The following RGL1 variants were observed in gnomAD, a reference collection of about 807,000 sequenced individuals.
The protein encoded by RGL1 is ral guanine nucleotide dissociation stimulator like 1.
In RGL1, 24 loss-of-function variants were observed where a neutral mutation model predicts 95.2. That is an observed-to-expected ratio of 0.25 (90% confidence interval 0.18 to 0.35). RGL1 has a LOEUF of 0.35. RGL1 is among the 10% of genes least tolerant of loss of function. The pLI is 1.00. For synonymous variants in RGL1, 329 were observed against 344.9 expected (o/e 0.95, Z 0.51); for missense variants, 715 against 936.3 (o/e 0.76, Z 3.08).
rs139649337 is a variant in RGL1 at position 183,673,257 on chromosome 1, C to T, written c.-33+36756C>T. Among the ~76,000 whole-genome samples, 32 of 152,280 alleles carry T rather than the reference C, an allele frequency of 2.1e-4. 1 individual carries two copies. In the East Asian group the frequency reaches 6.2e-3, roughly 29 times the overall value. Reference sequence around the variant, plus strand: ...CAGGCACTGTGAGTGTGTTTTCAGACCTGGACCAGTTTAATATCAGTGTCT... The same window carrying T: ...CAGGCACTGTGAGTGTGTTTTCAGATCTGGACCAGTTTAATATCAGTGTCT... On this transcript the variant is annotated intron_variant, in intron 1 of 18. Transcript: ENST00000304685.
intron 1 of RGL1, among the ~76,000 whole-genome samples, chr1:183,722,423 A>G (rs760541874): frequency 1.3e-5 from 2 of 152,086 alleles, no homozygotes; most frequent in Non-Finnish European, 2.9e-5. Flanking sequence ...TATTTAAAGA[A>G]ATAATGACCA....
chr1:183,790,519 A>G (rs1660394881), intron 2 of RGL1, among the ~76,000 whole-genome samples: 2 of 152,174 alleles, frequency 1.3e-5, no homozygotes, highest in African/African-American at 4.8e-5. Flanking sequence ...GGAAAGACTA[A>G]TAACTTAGCC....
chr1:183,729,182 A>ATG (rs1433473219), intron 1 of RGL1, among the ~76,000 whole-genome samples: 2 of 116,830 alleles, frequency 1.7e-5, no homozygotes, highest in Non-Finnish European at 3.9e-5. Flanking sequence ...GATAAAATAT[A>ATG]TATGTGTGTG....
chr1:183,832,595 C>G (rs1367224486), intron 2 of RGL1, among the ~76,000 whole-genome samples: 7 of 152,094 alleles, frequency 4.6e-5, no homozygotes, highest in African/African-American at 1.4e-4. Flanking sequence ...GTTGATGAGC[C>G]TTTAGATTCA....
chr1:183,771,164 A>G (rs535822946), intron 2 of RGL1, among the ~76,000 whole-genome samples: 124 of 152,320 alleles, frequency 8.1e-4, no homozygotes, highest in Middle Eastern at 6.8e-3. Context: ...TCTACTGGAC[A>G]TTTGCAGCCA....
At chr1:183,884,003 AT>A (rs1365743944) in intron 6 of RGL1, 93 bp downstream of exon 6, 1 of 1,341,852 alleles carries the variant, frequency 7.5e-7, no homozygotes, top group East Asian at 2.3e-5. Flanking sequence ...GGATAATGTG[AT>A]TTTAAGTCTT....
chr1:183,809,755 G>A (rs1260278465), intron 2 of RGL1, among the ~76,000 whole-genome samples: 1 of 152,086 alleles, frequency 6.6e-6, no homozygotes, highest in African/African-American at 2.4e-5. Flanking sequence ...AGACCAGCCT[G>A]GGCAACATAG....
intron 3 of RGL1, among the ~76,000 whole-genome samples, chr1:183,859,418 C>G (rs1404345611): frequency 2.0e-5 from 3 of 152,132 alleles, no homozygotes; most frequent in Non-Finnish European, 4.4e-5. Flanking sequence ...TTGAACTCCT[C>G]TTTAGACAGT....
intron 1 of RGL1, among the ~76,000 whole-genome samples, chr1:183,736,638 G>A (rs1266319617): frequency 6.6e-6 from 1 of 152,150 alleles, no homozygotes; most frequent in African/African-American, 2.4e-5. Context: ...CAGGACCTCA[G>A]CTCATTAGGA....
chr1:183,871,595 T>A (rs1171367511), intron 4 of RGL1, among the ~76,000 whole-genome samples: 1 of 152,248 alleles, frequency 6.6e-6, no homozygotes, highest in Non-Finnish European at 1.5e-5. Context: ...CCTTACATTT[T>A]ATACAGGCTC....
chr1:183,718,885 C>T (rs980755143), intron 1 of RGL1, among the ~76,000 whole-genome samples: 3 of 152,002 alleles, frequency 2.0e-5, no homozygotes, highest in African/African-American at 7.3e-5. Flanking sequence ...TTCACTCCAG[C>T]CTGGGCAACA....
chr1:183,912,276 C>A lies in RGL1; in HGVS notation c.1749+8C>A. 6.2e-7 allele frequency: 1 copy of A among 1,607,144 alleles called. No homozygotes were observed. Among genetic ancestry groups the A allele is most frequent in the Non-Finnish European group, 8.5e-7 (1 of 1,175,298 alleles). ...GATGAGCCTCAAAAAAAGGTATATA[C>A]TCAACCCTTCTCATAATTCCTAATG... is the stretch of plus-strand genomic sequence containing the variant. On this transcript the variant is annotated splice_region_variant and intron_variant, in intron 15 of 17. Coordinates refer to ENST00000360851, the MANE Select transcript of RGL1 (RefSeq NM_001297671.3).
intron 2 of RGL1, among the ~76,000 whole-genome samples, chr1:183,794,055 GACACACACACACACACACAC>G (rs147087444): frequency 3.4e-5 from 5 of 145,916 alleles, no homozygotes; most frequent in African/African-American, 1.0e-4. Context: ...AGAAAATGTG[GACACACACACACACACACAC>G]ACACACACAC....
Position 183,927,180 on chromosome 1 carries a change from G to T in RGL1, c.*888G>T, listed in dbSNP as rs563852736. On this transcript the variant is annotated 3_prime_UTR_variant, in exon 18 of 18. Coordinates refer to ENST00000360851, the MANE Select transcript of RGL1 (RefSeq NM_001297671.3). ...GCGCAAAAGAATGGTGACTCATTTG[G>T]ACTCTTATCTGTCTTGGAATGTCAC... The T allele has an allele frequency of 6.5e-6, 1 of 152,694 alleles. No homozygotes were observed. The highest frequency in any genetic ancestry group is 1.9e-4 in the East Asian group (1 of 5,188). The allele number at this position is 152,694 out of a possible 1,614,324, so 9.5% of individuals were successfully genotyped here.
At chr1:183,902,662 G>A in intron 12 of RGL1, 62 bp downstream of exon 12, 1 of 1,531,302 alleles carries the variant, frequency 6.5e-7, no homozygotes, top group Non-Finnish European at 8.9e-7. Flanking sequence ...AAGAAATGGG[G>A]ACTTAAGTTT....
intron 3 of RGL1, among the ~76,000 whole-genome samples, chr1:183,852,968 C>G (rs1266049451): frequency 1.3e-5 from 2 of 152,202 alleles, no homozygotes; most frequent in Non-Finnish European, 2.9e-5. Flanking sequence ...CTTCAGATAG[C>G]TGTCACAATA....
At chr1:183,764,739 C>T (rs557194385) in intron 2 of RGL1, among the ~76,000 whole-genome samples, 1 of 152,210 alleles carries the variant, frequency 6.6e-6, no homozygotes, top group East Asian at 1.9e-4. Context: ...CGTGGCCACC[C>T]AGGAATCAAA....
chr1:183,888,963 G>A (rs918211033), intron 8 of RGL1, among the ~76,000 whole-genome samples: 2 of 152,142 alleles, frequency 1.3e-5, no homozygotes, highest in Non-Finnish European at 2.9e-5. Flanking sequence ...TGTGCAGATA[G>A]GACATTAGTT....
intron 2 of RGL1, among the ~76,000 whole-genome samples, chr1:183,826,901 A>G (rs1004792136): frequency 9.9e-5 from 15 of 152,266 alleles, no homozygotes; most frequent in African/African-American, 3.6e-4. Flanking sequence ...TATGTGATTT[A>G]AATGTACCTT....
Sources: allele counts gnomAD v4.1 joint callset (sites outside exome capture counted in the v4.1 genomes callset), GRCh38; gene constraint gnomAD v4.1.1; transcripts MANE v1.5; gene names NCBI Gene and HGNC (gene_info 2026-07-23, HGNC 2026-07-21).